The following BLTP3B variants were observed in gnomAD, a reference collection of about 807,000 sequenced individuals.
BLTP3B encodes UHRF1 (ICBP90) binding protein 1-like.
chr12:100,142,670 G>T, the BLTP3B span: 1 of 1,598,048 alleles, frequency 6.3e-7, no homozygotes, highest in South Asian at 1.1e-5. Context: ...GTCTCGTCCT[G>T]TTGCTCACTG....
At chr12:100,059,450 G>A in the BLTP3B span, 1 of 1,613,790 alleles carries the variant, frequency 6.2e-7, no homozygotes, top group African/African-American at 1.3e-5. Context: ...TTGTATTTGT[G>A]GCAATCATTT....
chr12:100,084,017 T>G, the BLTP3B span, among the ~76,000 whole-genome samples: 1 of 151,986 alleles, frequency 6.6e-6, no homozygotes, highest in East Asian at 1.9e-4. Flanking sequence ...AGTGAAACCC[T>G]GGTTCTACTA....
the BLTP3B span, among the ~76,000 whole-genome samples, chr12:100,113,379 C>T: frequency 6.6e-6 from 1 of 151,892 alleles, no homozygotes; most frequent in Non-Finnish European, 1.5e-5. Flanking sequence ...AGGAGAATCA[C>T]TTGAACCCAG....
the BLTP3B span, among the ~76,000 whole-genome samples, chr12:100,053,899 A>T: frequency 6.6e-6 from 1 of 152,200 alleles, no homozygotes; most frequent in African/African-American, 2.4e-5. Flanking sequence ...TAAAATTAAA[A>T]CAAAACAAAA....
chr12:100,096,597 C>T, the BLTP3B span, among the ~76,000 whole-genome samples: 8 of 151,856 alleles, frequency 5.3e-5, no homozygotes, highest in African/African-American at 1.9e-4. Context: ...GACAGAAGGA[C>T]TGCTTGAAGC....
chr12:100,039,928 C>T, the BLTP3B span: 1 of 615,574 alleles, frequency 1.6e-6, no homozygotes, highest in Non-Finnish European at 2.4e-6. Flanking sequence ...ATAGAACAAC[C>T]AGTAAAACCA....
At chr12:100,056,468 T>C in the BLTP3B span, among the ~76,000 whole-genome samples, 2 of 152,006 alleles carry the variant, frequency 1.3e-5, no homozygotes, top group Non-Finnish European at 1.5e-5. Flanking sequence ...ATTATATACT[T>C]GTTATATTTA....
chr12:100,097,511 G>A, the BLTP3B span: 1 of 1,594,690 alleles, frequency 6.3e-7, no homozygotes, highest in Non-Finnish European at 8.5e-7. Context: ...AAAACCTAAG[G>A]AGAACACAGA....
At chr12:100,137,994 A>G in the BLTP3B span, among the ~76,000 whole-genome samples, 5 of 152,200 alleles carry the variant, frequency 3.3e-5, no homozygotes, top group African/African-American at 1.2e-4. Context: ...GACAGGAGAG[A>G]TCAAAGACTG....
At chr12:100,094,314 T>C in the BLTP3B span, among the ~76,000 whole-genome samples, 1 of 152,228 alleles carries the variant, frequency 6.6e-6, no homozygotes. Context: ...ACTCAATATA[T>C]TGCCCAGGCT....
the BLTP3B span, among the ~76,000 whole-genome samples, chr12:100,056,816 G>A: frequency 2.7e-5 from 4 of 149,962 alleles, no homozygotes; most frequent in East Asian, 2.0e-4. Flanking sequence ...CAGCCTGGGC[G>A]ACAGAGTGAA....
At chr12:100,102,763 T>C in the BLTP3B span, 100 of 1,594,658 alleles carry the variant, frequency 6.3e-5, no homozygotes, top group African/African-American at 8.8e-4. Context: ...GGAAGTAGCT[T>C]ACCTTTGTCC....
At chr12:100,047,610 G>A in the BLTP3B span, 1 of 1,612,876 alleles carries the variant, frequency 6.2e-7, no homozygotes, top group Non-Finnish European at 8.5e-7. Context: ...TGGTTCAAGG[G>A]ATACTGTACT....
chr12:100,089,082 A>C, the BLTP3B span: 1 of 1,599,100 alleles, frequency 6.3e-7, no homozygotes, highest in Non-Finnish European at 8.5e-7. Flanking sequence ...GGCAGATGCG[A>C]CTACTGTAGA....
At chr12:100,099,689 G>A in the BLTP3B span, among the ~76,000 whole-genome samples, 1,589 of 151,770 alleles carry the variant, frequency 0.01, 35 homozygotes, top group African/African-American at 0.035. Flanking sequence ...AGAGGTTGCA[G>A]TGAGCTGAGA....
the BLTP3B span, among the ~76,000 whole-genome samples, chr12:100,056,585 C>G: frequency 1.3e-5 from 2 of 151,890 alleles, no homozygotes; most frequent in Non-Finnish European, 2.9e-5. Context: ...TGCCTGTAAT[C>G]CCAGCATTTT....
At chr12:100,136,791 CTTTTCTTTTCTTTT>C in the BLTP3B span, among the ~76,000 whole-genome samples, 3 of 149,874 alleles carry the variant, frequency 2.0e-5, no homozygotes, top group African/African-American at 7.3e-5. Context: ...TATCAGATAG[CTTTTCTTTTCTTTT>C]TTTTCTTTTT....
At chr12:100,105,870 A>C in the BLTP3B span, among the ~76,000 whole-genome samples, 1 of 152,164 alleles carries the variant, frequency 6.6e-6, no homozygotes, top group Non-Finnish European at 1.5e-5. Context: ...AAGAAAAAAA[A>C]CACGCCCATT....
At chr12:100,095,983 G>T in the BLTP3B span, 1 of 840,710 alleles carries the variant, frequency 1.2e-6, no homozygotes, top group Non-Finnish European at 1.7e-6. Context: ...CGGGCACGGT[G>T]GCTCATGCCT....
Sources: gnomAD v4.1 joint callset for allele counts (sites outside exome capture counted in the v4.1 genomes callset) on GRCh38, gnomAD v4.1.1 for gene constraint, MANE v1.5 for transcripts, NCBI Gene and HGNC (gene_info 2026-07-23, HGNC 2026-07-21) for gene names.